Variants in KCNH5 observed in about 807,000 individuals in gnomAD.
The protein encoded by KCNH5 is potassium voltage-gated channel subfamily H member 5.
A neutral mutation model predicts 96.1 loss-of-function variants in KCNH5; 46 were observed. The observed-to-expected ratio is 0.48, with a 90% confidence interval of 0.38 to 0.61. The LOEUF (loss-of-function observed/expected upper bound fraction) is 0.61, where lower values mean the gene tolerates loss of function less well. KCNH5 is among the 20% of genes least tolerant of loss of function. KCNH5 has a pLI of 0.00. For synonymous variants in KCNH5, 439 were observed against 449.8 expected, an observed-to-expected ratio of 0.98 and a Z score of 0.30; for missense variants, 907 against 1,225.8, an observed-to-expected ratio of 0.74 and a Z score of 3.88.
At chr14:62,731,402 G>A (rs1164714399) in intron 10 of KCNH5, among the ~76,000 whole-genome samples, 2 of 151,906 alleles carry the variant, frequency 1.3e-5, no homozygotes, top group African/African-American at 4.8e-5. Flanking sequence ...AAGGGAAAAT[G>A]TCACTGAAGT....
At chr14:62,914,311 T>C (rs1464744248) in intron 7 of KCNH5, among the ~76,000 whole-genome samples, 1 of 152,066 alleles carries the variant, frequency 6.6e-6, no homozygotes, top group Non-Finnish European at 1.5e-5. Flanking sequence ...CCCTTATAAA[T>C]TGAAAGAGAC....
Position 62,715,710 on chromosome 14 carries a change from G to A in KCNH5, c.2020-7255C>T, listed in dbSNP as rs1276161051. ...CTCCGAGGGCACAAAATGTGTTATA[G>A]ATCTAGTCCAGTCTCTTAGGTCCTA... On this transcript the variant is annotated intron_variant, in intron 10 of 10. Transcript: ENST00000322893. Among the ~76,000 whole-genome samples the A allele has an allele frequency of 6.6e-5, 10 of 152,014 alleles. 1 individual carries two copies. The highest frequency in any genetic ancestry group is 6.6e-4 in the Admixed American group (10 of 15,248).
intron 9 of KCNH5, among the ~76,000 whole-genome samples, chr14:62,796,558 C>T (rs1477979278): frequency 6.6e-6 from 1 of 152,064 alleles, no homozygotes; most frequent in Non-Finnish European, 1.5e-5. Flanking sequence ...TAACTCTAAC[C>T]CTATGATTCT....
At chr14:63,010,717 G>C (rs888643508) in intron 2 of KCNH5, among the ~76,000 whole-genome samples, 1 of 152,202 alleles carries the variant, frequency 6.6e-6, no homozygotes, top group Non-Finnish European at 1.5e-5. Context: ...GTTTGGGCTT[G>C]TAGCAGGATT....
intron 7 of KCNH5, among the ~76,000 whole-genome samples, chr14:62,894,449 A>ACGTTTGTAAGTGTGTATGTGTT (rs1888771914): frequency 6.6e-6 from 1 of 152,204 alleles, no homozygotes; most frequent in Non-Finnish European, 1.5e-5. Context: ...TTGCTCCTGC[A>ACGTTTGTAAGTGTGTATGTGTT]CGTTTGTAAG....
intron 7 of KCNH5, among the ~76,000 whole-genome samples, chr14:62,916,220 G>A (rs1017842708): frequency 1.3e-5 from 2 of 152,050 alleles, no homozygotes; most frequent in African/African-American, 4.8e-5. Context: ...CCAAAGTGCT[G>A]GGATTACAGG....
Position 62,814,782 on chromosome 14 carries a change from CAAAAAAAAAAAAAAAA to C in KCNH5, c.1570-12217_1570-12202del, listed in dbSNP as rs71120235. Among the ~76,000 whole-genome samples, 150 of 33,772 alleles carry C rather than the reference CAAAAAAAAAAAAAAAA, an allele frequency of 4.4e-3. 3 individuals are homozygous for C. The East Asian group carries it at 0.13, about 29-fold the overall frequency. 22.2% of individuals were successfully genotyped at this position (33,772 alleles called of 152,430 possible). ...TGGGCGACAAAGCGAGACTCCATCT[CAAAAAAAAAAAAAAAA>C]AAAAAAAAAAAAAGAATGAGTCACT... On this transcript the variant is annotated intron_variant, in intron 8 of 10. Coordinates refer to ENST00000322893, the MANE Select transcript of KCNH5 (RefSeq NM_139318.5).
chr14:62,747,875 T>A (rs917274350), intron 10 of KCNH5, among the ~76,000 whole-genome samples: 7 of 152,196 alleles, frequency 4.6e-5, no homozygotes, highest in South Asian at 4.1e-4. Context: ...GATACTGTTT[T>A]GTGTTAATAG....
intron 1 of KCNH5, among the ~76,000 whole-genome samples, chr14:63,017,982 G>A (rs1292610579): frequency 1.3e-5 from 2 of 151,812 alleles, no homozygotes; most frequent in Non-Finnish European, 2.9e-5. Flanking sequence ...ATAAAATAAA[G>A]ATTAGTAAAA....
At chr14:62,735,933 A>C (rs954633867) in intron 10 of KCNH5, among the ~76,000 whole-genome samples, 1 of 152,254 alleles carries the variant, frequency 6.6e-6, no homozygotes, top group South Asian at 2.1e-4. Context: ...CTACCAGCCC[A>C]GGAACTCAAA....
chr14:63,026,584 G>A (rs1891528766), intron 1 of KCNH5, among the ~76,000 whole-genome samples: 1 of 152,018 alleles, frequency 6.6e-6, no homozygotes, highest in Admixed American at 6.6e-5. Flanking sequence ...AATGCAAAGA[G>A]CTAACAGTTA....
At chr14:62,727,760 C>T (rs776905876) in intron 10 of KCNH5, among the ~76,000 whole-genome samples, 31 of 145,774 alleles carry the variant, frequency 2.1e-4, no homozygotes, top group East Asian at 1.2e-3. Context: ...AATAACGACA[C>T]TGCTTACAGT....
chr14:63,004,377 T>A (rs1410173264), intron 3 of KCNH5, among the ~76,000 whole-genome samples: 1 of 152,202 alleles, frequency 6.6e-6, no homozygotes. Context: ...AAGTTTTAAC[T>A]TACAATGCTA....
intron 7 of KCNH5, among the ~76,000 whole-genome samples, chr14:62,850,151 T>C (rs76949311): frequency 6.6e-6 from 1 of 152,166 alleles, no homozygotes; most frequent in African/African-American, 2.4e-5. Flanking sequence ...AATCAGATGA[T>C]CCAAAGTTAT....
chr14:62,950,566 T>TC lies in KCNH5; in HGVS notation c.943-8_943-7insG. 6.7e-7 allele frequency: 1 copy of TC among 1,487,740 alleles called. No homozygotes were observed. The highest frequency in any genetic ancestry group is 8.9e-7 in the Non-Finnish European group (1 of 1,124,502). 92.2% of individuals were successfully genotyped at this position (1,487,740 alleles called of 1,614,324 possible). On this transcript the variant is annotated splice_region_variant and splice_polypyrimidine_tract_variant and intron_variant, in intron 6 of 10. Coordinates refer to ENST00000322893, the MANE Select transcript of KCNH5 (RefSeq NM_139318.5). ...TGAAGAGACTGCTGATTCCCTGGAT[T>TC]TAAAAAAAAAAAAAAAATTACACCA... is the stretch of plus-strand genomic sequence containing the variant.
At position 62,703,523 on chromosome 14, in the gene KCNH5, A is replaced by G. The variant is rs1884379363; in HGVS notation, c.*3985T>C. On this transcript the variant is annotated 3_prime_UTR_variant, in exon 11 of 11. Transcript: ENST00000322893. ...TCTTATTTATTGGCGGGGAAATGGT[A>G]CCATTTGGTACACTAGGAAAGGTTA... 6.6e-6 allele frequency: 1 copy of G among 151,866 alleles called. No homozygotes were observed. Among genetic ancestry groups the G allele is most frequent in the African/African-American group, 2.4e-5 (1 of 41,438 alleles). The allele number at this position is 151,866 out of a possible 1,614,324, so 9.4% of individuals were successfully genotyped here.
intron 10 of KCNH5, among the ~76,000 whole-genome samples, chr14:62,744,882 G>A (rs1274818321): frequency 6.6e-6 from 1 of 151,984 alleles, no homozygotes; most frequent in Non-Finnish European, 1.5e-5. Context: ...CAGAATCCTT[G>A]GGAAAAAATC....
rs143646537 is a variant in KCNH5, at chr14:63,041,069, AG to A, written c.73+4044del. Among the ~76,000 whole-genome samples the A allele has an allele frequency of 9.2e-3, 1,402 of 152,246 alleles. 72 individuals are homozygous for A. In the East Asian group the frequency reaches 0.14, roughly 16 times the overall value. On this transcript the variant is annotated intron_variant, in intron 1 of 10. Coordinates refer to ENST00000322893, the MANE Select transcript of KCNH5 (RefSeq NM_139318.5). ...TTCTAGTTAAAAGGTATTAATTTGT[AG>A]TTAAAATTTTCAAAATAGCAACCTA...
chr14:62,955,154 G>A (rs562055105), intron 6 of KCNH5, among the ~76,000 whole-genome samples: 1 of 151,818 alleles, frequency 6.6e-6, no homozygotes, highest in African/African-American at 2.4e-5. Context: ...AAGGGAGATT[G>A]GAGCAGGGCA....
Sources: gnomAD v4.1 joint callset for allele counts (sites outside exome capture counted in the v4.1 genomes callset) on GRCh38, gnomAD v4.1.1 for gene constraint, MANE v1.5 for transcripts, NCBI Gene and HGNC (gene_info 2026-07-23, HGNC 2026-07-21) for gene names.